The following CHCHD6 variants were observed in gnomAD, a reference collection of about 807,000 sequenced individuals.
CHCHD6 encodes the protein MICOS complex subunit MIC25.
In CHCHD6, 28 loss-of-function variants were observed where a neutral mutation model predicts 32.3. That is an observed-to-expected ratio of 0.87 (90% CI 0.64 to 1.19). CHCHD6 has a LOEUF of 1.19. Ranked by LOEUF, CHCHD6 falls within the 50% of genes most tolerant of loss-of-function variation. CHCHD6 has a pLI of 0.00. For synonymous variants in CHCHD6, 122 were observed against 117.5 expected (o/e 1.04, Z -0.25); for missense variants, 333 against 307.0 (o/e 1.08, Z -0.63).
intron 5 of CHCHD6, among the ~76,000 whole-genome samples, chr3:126,876,282 A>C (rs1269755059): frequency 6.6e-6 from 1 of 152,244 alleles, no homozygotes; most frequent in Non-Finnish European, 1.5e-5. Flanking sequence ...GTTTAGAAAG[A>C]AGCTTGATGA....
chr3:126,882,708 C>T (rs2077627639), intron 5 of CHCHD6, among the ~76,000 whole-genome samples: 1 of 152,202 alleles, frequency 6.6e-6, no homozygotes, highest in Non-Finnish European at 1.5e-5. Flanking sequence ...AGGCAATTAT[C>T]ACACATGCAA....
intron 5 of CHCHD6, among the ~76,000 whole-genome samples, chr3:126,865,906 C>G (rs538141029): frequency 1.3e-5 from 2 of 152,320 alleles, no homozygotes; most frequent in African/African-American, 2.4e-5. Flanking sequence ...CCAGGCTTCT[C>G]TAGGGTAGTT....
At chr3:126,947,945 T>C (rs1359163979) in intron 6 of CHCHD6, among the ~76,000 whole-genome samples, 1 of 152,194 alleles carries the variant, frequency 6.6e-6, no homozygotes, top group Non-Finnish European at 1.5e-5. Flanking sequence ...GGACAGAGAT[T>C]GGAGACACCA....
At chr3:126,776,532 A>C (rs1937655203) in intron 4 of CHCHD6, among the ~76,000 whole-genome samples, 1 of 152,168 alleles carries the variant, frequency 6.6e-6, no homozygotes, top group East Asian at 1.9e-4. Context: ...GTTTGGATCG[A>C]TTCTGAATTC....
At chr3:126,889,208 G>A (rs1482807702) in intron 5 of CHCHD6, among the ~76,000 whole-genome samples, 1 of 152,190 alleles carries the variant, frequency 6.6e-6, no homozygotes, top group Non-Finnish European at 1.5e-5. Context: ...GTGACGTGGA[G>A]AGAAGGGCCC....
intron 5 of CHCHD6, among the ~76,000 whole-genome samples, chr3:126,887,822 C>T (rs530404529): frequency 6.6e-6 from 1 of 152,238 alleles, no homozygotes; most frequent in South Asian, 2.1e-4. Context: ...CTGGAGCATC[C>T]TTTTTGCTGA....
At position 126,709,162 on chromosome 3, in the gene CHCHD6, C is replaced by A. The variant is rs561270422; in HGVS notation, c.87+4763C>A. Among the ~76,000 whole-genome samples, 16 of 152,078 alleles carry A rather than the reference C, an allele frequency of 1.1e-4. No homozygotes were observed. In the Middle Eastern group the frequency reaches 0.014, roughly 129 times the overall value. On this transcript the variant is annotated intron_variant, in intron 1 of 7. Coordinates refer to ENST00000290913, the MANE Select transcript of CHCHD6 (RefSeq NM_032343.3). Reference sequence around the variant, plus strand: ...TTTGGTATATTATCTTTTATTGTTTCTTTTTCTCAAATGTTTTCCTTTGGA... The same window carrying A: ...TTTGGTATATTATCTTTTATTGTTTATTTTTCTCAAATGTTTTCCTTTGGA...
At position 126,915,845 on chromosome 3, in the gene CHCHD6, T is replaced by C. The variant is rs142194383; in HGVS notation, c.566+1095T>C. ...TCACTGTGTGGGCCCAGCTGGAGTG[T>C]AGTGGCAGAATCATGGCTCAATGCA... is the stretch of plus-strand genomic sequence containing the variant. On this transcript the variant is annotated intron_variant, in intron 6 of 7. Transcript: ENST00000290913. Among the ~76,000 whole-genome samples the C allele has an allele frequency of 3.6e-3, 541 of 152,206 alleles. 10 individuals are homozygous for C. The highest frequency in any genetic ancestry group is 0.013 in the African/African-American group (525 of 41,538).
intron 4 of CHCHD6, among the ~76,000 whole-genome samples, chr3:126,750,804 A>T (rs962020681): frequency 3.3e-5 from 5 of 152,242 alleles, no homozygotes; most frequent in Non-Finnish European, 7.3e-5. Context: ...ATCTGTCACC[A>T]TAAATGGAAA....
intron 4 of CHCHD6, among the ~76,000 whole-genome samples, chr3:126,750,957 C>T (rs767096215): frequency 3.3e-5 from 5 of 152,168 alleles, no homozygotes; most frequent in African/African-American, 1.2e-4. Flanking sequence ...GTTGGTGCCC[C>T]GTGCTGACCC....
In CHCHD6 at chr3:126,802,867, C is replaced by T. The variant is rs551881561; in HGVS notation, c.412-49780C>T. Among the ~76,000 whole-genome samples, 12 of 152,260 alleles carry T rather than the reference C, an allele frequency of 7.9e-5. No individual in the cohort carries two copies. In the South Asian group the frequency reaches 1.0e-3, roughly 13 times the overall value. ...CCCATCAGACTAACAGCTGATCTCT[C>T]AGCAGAAACTCTACAAGCCAGAAGA... On this transcript the variant is annotated intron_variant, in intron 4 of 7. Transcript: ENST00000290913.
chr3:126,857,431 C>G (rs1941698050), intron 5 of CHCHD6, among the ~76,000 whole-genome samples: 1 of 152,206 alleles, frequency 6.6e-6, no homozygotes, highest in African/African-American at 2.4e-5. Context: ...TCAGATGCTT[C>G]CCTGCACTGC....
chr3:126,830,970 C>T (rs1212696379), intron 4 of CHCHD6, among the ~76,000 whole-genome samples: 2 of 152,098 alleles, frequency 1.3e-5, no homozygotes, highest in Admixed American at 6.5e-5. Flanking sequence ...AGGGCCTGCT[C>T]GGGGGCCGCA....
chr3:126,888,385 A>T (rs964220061), intron 5 of CHCHD6, among the ~76,000 whole-genome samples: 2 of 152,224 alleles, frequency 1.3e-5, no homozygotes, highest in African/African-American at 4.8e-5. Flanking sequence ...ATATTCTGTT[A>T]TCTAACATCT....
chr3:126,723,843 G>C (rs1324972380), intron 1 of CHCHD6, among the ~76,000 whole-genome samples: 1 of 152,106 alleles, frequency 6.6e-6, no homozygotes, highest in Non-Finnish European at 1.5e-5. Context: ...CATGTCTTTT[G>C]TCTTACAGTA....
chr3:126,736,517 C>T (rs1936050006), intron 4 of CHCHD6, among the ~76,000 whole-genome samples: 1 of 152,202 alleles, frequency 6.6e-6, no homozygotes, highest in Non-Finnish European at 1.5e-5. Flanking sequence ...GTTCACTTGC[C>T]TCTGACTTTT....
chr3:126,867,491 A>G (rs1322037194), intron 5 of CHCHD6, among the ~76,000 whole-genome samples: 1 of 152,216 alleles, frequency 6.6e-6, no homozygotes, highest in African/African-American at 2.4e-5. Context: ...GTTACCACCT[A>G]TCCCTGCTGG....
At position 126,862,785 on chromosome 3, in the gene CHCHD6, C is replaced by T. The variant is rs1167288142; in HGVS notation, c.495+10055C>T. Among the ~76,000 whole-genome samples the T allele has an allele frequency of 2.4e-3, 10 of 4,244 alleles. 1 individual carries two copies. Among genetic ancestry groups the T allele is most frequent in the African/African-American group, 8.6e-3 (3 of 350 alleles). The allele number at this position is 4,244 out of a possible 152,430, so 2.8% of individuals were successfully genotyped here. On this transcript the variant is annotated intron_variant, in intron 5 of 7. Transcript: ENST00000290913. ...CCACCATCACCACCTCCTCCTCCTC[C>T]ACCATCACCACCTTCCCCTCTACCA...
chr3:126,730,575 A>G lies in CHCHD6; in HGVS notation c.211A>G (p.Arg71Gly), dbSNP rs577021869. 6.2e-7 allele frequency: 1 copy of G among 1,613,788 alleles called. No individual in the cohort carries two copies. The highest frequency in any genetic ancestry group is 1.3e-5 in the African/African-American group (1 of 75,018). Residue 71 changes from arginine (R) to glycine (G), a missense_variant, in exon 3 of 8, where the codon AGG becomes GGG. By Grantham distance (125) the Arg-to-Gly change is moderately radical (BLOSUM62 -2). Transcript: ENST00000290913. ...RAPHKESTLP[R>G]SGSSGGQQPS... ...TTCCTTTGCAGAATCCACACTGCCC[A>G]GGTCGGGGAGCAGTGGTGGCCAGCA... is the stretch of plus-strand genomic sequence containing the variant.
Sources: allele counts gnomAD v4.1 joint callset (sites outside exome capture counted in the v4.1 genomes callset), GRCh38; gene constraint gnomAD v4.1.1; transcripts MANE v1.5; gene names NCBI Gene and HGNC (gene_info 2026-07-23, HGNC 2026-07-21).